The following ST8SIA1 variants were observed in gnomAD, a reference collection of about 807,000 sequenced individuals.
ST8SIA1 encodes the protein ST8 alpha-N-acetyl-neuraminide alpha-2,8-sialyltransferase 1.
A neutral mutation model predicts 35.9 loss-of-function variants in ST8SIA1; 16 were observed. The observed-to-expected ratio is 0.45, with a 90% CI of 0.30 to 0.68. The LOEUF (loss-of-function observed/expected upper bound fraction) is 0.68. Ranked by LOEUF, ST8SIA1 falls within the 30% of genes least tolerant of loss-of-function variation. The probability of loss-of-function intolerance (pLI) is 0.09; values close to 1 mark genes in which losing one functional copy is unlikely to be tolerated. For synonymous variants in ST8SIA1, 170 were observed against 169.6 expected (o/e 1.00, Z -0.02); for missense variants, 383 against 453.6 (o/e 0.84, Z 1.41).
At chr12:22,219,157 CATTT>C (rs1371818550) in intron 4 of ST8SIA1, among the ~76,000 whole-genome samples, 6 of 152,044 alleles carry the variant, frequency 3.9e-5, no homozygotes, top group East Asian at 1.9e-4. Context: ...ATAGGTATCA[CATTT>C]ATTTAATTAA....
At chr12:22,314,105 C>T (rs1157750827) in intron 1 of ST8SIA1, among the ~76,000 whole-genome samples, 3 of 152,114 alleles carry the variant, frequency 2.0e-5, no homozygotes, top group Non-Finnish European at 1.5e-5. Flanking sequence ...TCCATCCAGA[C>T]TCCTGCTAGC....
chr12:22,293,470 A>C (rs1866204933), intron 1 of ST8SIA1, among the ~76,000 whole-genome samples: 1 of 152,252 alleles, frequency 6.6e-6, no homozygotes, highest in African/African-American at 2.4e-5. Flanking sequence ...GCAGACAGCT[A>C]AATCAATAGT....
intron 1 of ST8SIA1, among the ~76,000 whole-genome samples, chr12:22,321,650 G>A (rs1866603071): frequency 6.6e-6 from 1 of 152,206 alleles, no homozygotes; most frequent in Non-Finnish European, 1.5e-5. Flanking sequence ...AATAAAACCT[G>A]GCCAAGTTGT....
At chr12:22,259,199 T>A (rs142479515) in intron 2 of ST8SIA1, among the ~76,000 whole-genome samples, 1 of 152,186 alleles carries the variant, frequency 6.6e-6, no homozygotes, top group African/African-American at 2.4e-5. Flanking sequence ...CCTTAACAAT[T>A]AGTAATAATT....
intron 1 of ST8SIA1, among the ~76,000 whole-genome samples, chr12:22,330,524 C>G (rs1295974685): frequency 3.3e-5 from 5 of 152,190 alleles, no homozygotes; most frequent in Non-Finnish European, 7.3e-5. Context: ...GGTTTTCACT[C>G]TGCTATGTTT....
At chr12:22,221,385 G>A (rs1251567713) in intron 4 of ST8SIA1, among the ~76,000 whole-genome samples, 1 of 152,116 alleles carries the variant, frequency 6.6e-6, no homozygotes, top group African/African-American at 2.4e-5. Context: ...TGATTAAAGA[G>A]GTTGAGATGC....
chr12:22,283,610 G>T (rs11833651), intron 2 of ST8SIA1, among the ~76,000 whole-genome samples: 42,247 of 152,040 alleles, frequency 0.28, 6,029 homozygotes, highest in Middle Eastern at 0.38. Flanking sequence ...TAAAAATTCT[G>T]CCCTTCATGC....
intron 1 of ST8SIA1, among the ~76,000 whole-genome samples, chr12:22,305,559 T>C (rs1866374222): frequency 6.6e-6 from 1 of 152,050 alleles, no homozygotes; most frequent in East Asian, 1.9e-4. Context: ...TTTTGTATTT[T>C]TAGTAGAGAC....
chr12:22,333,778 A>T (rs1866799782), intron 1 of ST8SIA1: 3 of 752,148 alleles, frequency 4.0e-6, no homozygotes, highest in Non-Finnish European at 7.3e-6. Flanking sequence ...ACATGCGCAA[A>T]GCAGGTGTCT....
At chr12:22,269,365 G>C (rs1013703252) in intron 2 of ST8SIA1, among the ~76,000 whole-genome samples, 1 of 151,816 alleles carries the variant, frequency 6.6e-6, no homozygotes, top group African/African-American at 2.4e-5. Context: ...AGTAATATTT[G>C]TATATTACCT....
At chr12:22,326,540 G>A (rs972571283) in intron 1 of ST8SIA1, among the ~76,000 whole-genome samples, 1 of 152,166 alleles carries the variant, frequency 6.6e-6, no homozygotes, top group African/African-American at 2.4e-5. Flanking sequence ...GCAAGACCAA[G>A]TAAATTTTTC....
intron 4 of ST8SIA1, among the ~76,000 whole-genome samples, chr12:22,205,036 A>T (rs1865090911): frequency 6.6e-6 from 1 of 152,040 alleles, no homozygotes; most frequent in African/African-American, 2.4e-5. Flanking sequence ...GCATATATTC[A>T]TTTTTGCTGA....
chr12:22,226,137 C>A (rs1336281527), intron 4 of ST8SIA1, among the ~76,000 whole-genome samples: 3 of 152,118 alleles, frequency 2.0e-5, no homozygotes, highest in Non-Finnish European at 4.4e-5. Context: ...ATATTTTATA[C>A]TCAAAAAATT....
At chr12:22,304,643 T>G (rs1420912264) in intron 1 of ST8SIA1, among the ~76,000 whole-genome samples, 2 of 152,228 alleles carry the variant, frequency 1.3e-5, no homozygotes, top group Non-Finnish European at 2.9e-5. Context: ...CAGAGGCTAC[T>G]CTCAGGTTTT....
At chr12:22,244,185 C>G (rs1026550258) in intron 4 of ST8SIA1, among the ~76,000 whole-genome samples, 1 of 152,160 alleles carries the variant, frequency 6.6e-6, no homozygotes, top group Non-Finnish European at 1.5e-5. Context: ...AGTCCTCCAT[C>G]ACTTAGCATA....
chr12:22,328,102 T>C (rs1324757583), intron 1 of ST8SIA1, among the ~76,000 whole-genome samples: 1 of 152,174 alleles, frequency 6.6e-6, no homozygotes, highest in African/African-American at 2.4e-5. Flanking sequence ...CGGACAGCAC[T>C]CCACAGCAAA....
chr12:22,292,683 G>A (rs1866192749), intron 1 of ST8SIA1, among the ~76,000 whole-genome samples: 1 of 152,158 alleles, frequency 6.6e-6, no homozygotes, highest in Non-Finnish European at 1.5e-5. Flanking sequence ...CTTATAAGTG[G>A]AAGCTAAACA....
intron 2 of ST8SIA1, among the ~76,000 whole-genome samples, chr12:22,273,231 C>T (rs145967860): frequency 2.0e-5 from 3 of 152,310 alleles, no homozygotes; most frequent in African/African-American, 7.2e-5. Context: ...CCCACCTGCC[C>T]GTTTGGCACA....
chr12:22,231,642 T>C lies in ST8SIA1; in HGVS notation c.584+17364A>G, dbSNP rs59243977. On this transcript the variant is annotated intron_variant, in intron 4 of 4. Transcript: ENST00000396037. ...AGGCTAGAGTGCAGTGGTGCGATCT[T>C]GGCTCACTGCAAGCTCCGCCTCCCG... Among the ~76,000 whole-genome samples the C allele has an allele frequency of 5.8e-3, 879 of 152,114 alleles. 4 individuals carry two copies. Among genetic ancestry groups the C allele is most frequent in the African/African-American group, 8.2e-3 (341 of 41,518 alleles).
Sources: allele counts gnomAD v4.1 joint callset (sites outside exome capture counted in the v4.1 genomes callset), GRCh38; gene constraint gnomAD v4.1.1; transcripts MANE v1.5; gene names NCBI Gene and HGNC (gene_info 2026-07-23, HGNC 2026-07-21).